SCHIP1: variants seen among roughly 807,000 people sequenced by gnomAD.
The protein encoded by SCHIP1 is schwannomin interacting protein 1, also known as schwannomin-interacting protein 1.
Under a neutral mutation model 29.7 loss-of-function variants are expected in SCHIP1, and 8 were observed. The ratio of observed to expected loss-of-function variants is 0.27; its 90% confidence interval spans 0.16 to 0.49. SCHIP1 has a LOEUF of 0.49. Among genes scored for constraint, SCHIP1 ranks in the 20% least tolerant of loss-of-function variants. SCHIP1 has a pLI of 0.99. For synonymous variants in SCHIP1, 76 were observed against 94.9 expected (o/e 0.80, Z 1.16); for missense variants, 193 against 294.6 (o/e 0.66, Z 2.52).
chr3:159,529,789 C>T, the SCHIP1 span, among the ~76,000 whole-genome samples: 2 of 152,216 alleles, frequency 1.3e-5, no homozygotes, highest in African/African-American at 4.8e-5. Context: ...CTGGTAACCA[C>T]CATTCTATTC....
At chr3:159,469,655 G>T in the SCHIP1 span, among the ~76,000 whole-genome samples, 1 of 152,182 alleles carries the variant, frequency 6.6e-6, no homozygotes, top group Non-Finnish European at 1.5e-5. Context: ...TCTTTAAAAA[G>T]CTAGAACTTT....
chr3:159,708,105 G>A, the SCHIP1 span, among the ~76,000 whole-genome samples: 21 of 152,136 alleles, frequency 1.4e-4, no homozygotes, highest in Admixed American at 3.3e-4. Flanking sequence ...ACACAAAGTG[G>A]GCCTGAGTCT....
intron 1 of SCHIP1, among the ~76,000 whole-genome samples, chr3:159,846,779 A>G (rs1490370494): frequency 1.3e-5 from 2 of 152,196 alleles, no homozygotes; most frequent in African/African-American, 4.8e-5. Context: ...TGTTTAAAGT[A>G]TAATTATTGT....
chr3:159,369,771 A>T, the SCHIP1 span, among the ~76,000 whole-genome samples: 2 of 152,220 alleles, frequency 1.3e-5, no homozygotes, highest in Admixed American at 6.5e-5. Flanking sequence ...TGGACATTTT[A>T]AATATTCAAC....
chr3:159,597,674 C>T, the SCHIP1 span, among the ~76,000 whole-genome samples: 9 of 152,088 alleles, frequency 5.9e-5, no homozygotes, highest in East Asian at 1.9e-4. Flanking sequence ...TATCCATTCA[C>T]GCATTGATGG....
At chr3:159,655,383 A>ATGATGATGG in the SCHIP1 span, among the ~76,000 whole-genome samples, 2 of 152,024 alleles carry the variant, frequency 1.3e-5, no homozygotes, top group East Asian at 3.9e-4. Flanking sequence ...AGTAGTAGTG[A>ATGATGATGG]TGATGATGAT....
At chr3:159,649,457 TA>T in the SCHIP1 span, among the ~76,000 whole-genome samples, 1 of 151,952 alleles carries the variant, frequency 6.6e-6, no homozygotes, top group Non-Finnish European at 1.5e-5. Context: ...CAACATTGAA[TA>T]AAAACAGCGA....
the SCHIP1 span, among the ~76,000 whole-genome samples, chr3:159,278,868 A>G: frequency 6.6e-6 from 1 of 152,204 alleles, no homozygotes; most frequent in South Asian, 2.1e-4. Flanking sequence ...GAAGCAATAC[A>G]GTGGGGTGAC....
chr3:159,656,635 G>A, the SCHIP1 span, among the ~76,000 whole-genome samples: 6,058 of 152,176 alleles, frequency 0.04, 187 homozygotes, highest in African/African-American at 0.078. Flanking sequence ...TCTGAATTAC[G>A]TGGTACCCAC....
At chr3:159,281,517 C>T in the SCHIP1 span, among the ~76,000 whole-genome samples, 4 of 152,152 alleles carry the variant, frequency 2.6e-5, no homozygotes, top group Non-Finnish European at 4.4e-5. Context: ...TGTGCTTACA[C>T]TTCTTAATGT....
At position 159,888,032 on chromosome 3, in the gene SCHIP1, T is replaced by C. The variant is rs1560097711; in HGVS notation, c.465+127T>C. On this transcript the variant is annotated intron_variant, in intron 4 of 6. Transcript: ENST00000445224. ...AGGCGGTTTGTAAAAAGTCCTGTCA[T>C]TGAGAAATGATTAAGTTTGTTTCTT... 1.1e-5 allele frequency: 14 copies of C among 1,246,714 alleles called. No individual in the cohort carries two copies. The East Asian group carries it at 1.5e-4, about 14-fold the overall frequency. The allele number at this position is 1,246,714 out of a possible 1,614,324, so 77.2% of individuals were successfully genotyped here.
At chr3:159,755,529 G>A in the SCHIP1 span, among the ~76,000 whole-genome samples, 1 of 152,152 alleles carries the variant, frequency 6.6e-6, no homozygotes, top group African/African-American at 2.4e-5. Flanking sequence ...ATGAGACTTG[G>A]GTGGGGACAC....
chr3:159,336,923 T>C, the SCHIP1 span, among the ~76,000 whole-genome samples: 3 of 152,158 alleles, frequency 2.0e-5, no homozygotes, highest in Non-Finnish European at 4.4e-5. Context: ...AATCTATAAA[T>C]TACCTTGGGC....
the SCHIP1 span, among the ~76,000 whole-genome samples, chr3:159,678,450 A>G: frequency 6.6e-6 from 1 of 152,230 alleles, no homozygotes; most frequent in East Asian, 1.9e-4. Flanking sequence ...TTTTGGGAAC[A>G]AGACAGGTGT....
chr3:159,306,012 A>G, the SCHIP1 span, among the ~76,000 whole-genome samples: 1 of 152,224 alleles, frequency 6.6e-6, no homozygotes, highest in Non-Finnish European at 1.5e-5. Flanking sequence ...AGATGTATCT[A>G]CACACTGAAT....
chr3:159,480,700 T>G, the SCHIP1 span, among the ~76,000 whole-genome samples: 1 of 152,080 alleles, frequency 6.6e-6, no homozygotes, highest in Non-Finnish European at 1.5e-5. Flanking sequence ...TAAACCAAGA[T>G]TTTTCATTGT....
the SCHIP1 span, among the ~76,000 whole-genome samples, chr3:159,419,531 G>A: frequency 6.6e-6 from 1 of 152,150 alleles, no homozygotes; most frequent in Non-Finnish European, 1.5e-5. Flanking sequence ...ATATCTGGCT[G>A]GGCACGTTGA....
the SCHIP1 span, among the ~76,000 whole-genome samples, chr3:159,565,456 G>A: frequency 1.5e-4 from 23 of 152,116 alleles, no homozygotes; most frequent in African/African-American, 4.3e-4. Flanking sequence ...GGGTTTTGGC[G>A]CATCTCCTAT....
At chr3:159,533,786 G>A in the SCHIP1 span, among the ~76,000 whole-genome samples, 2 of 152,148 alleles carry the variant, frequency 1.3e-5, no homozygotes, top group Non-Finnish European at 2.9e-5. Flanking sequence ...CATAGTCAAG[G>A]CCAATTAAAA....
Sources: allele counts gnomAD v4.1 joint callset (sites outside exome capture counted in the v4.1 genomes callset), GRCh38; gene constraint gnomAD v4.1.1; transcripts MANE v1.5; gene names NCBI Gene and HGNC (gene_info 2026-07-23, HGNC 2026-07-21).